Variants in GABRG3 observed in about 807,000 individuals in gnomAD.
The protein encoded by GABRG3 is gamma-aminobutyric acid type A receptor subunit gamma3, also known as gamma-aminobutyric acid receptor subunit gamma-3.
A neutral mutation model predicts 48.8 loss-of-function variants in GABRG3; 25 were observed. The ratio of observed to expected loss-of-function variants is 0.51; its 90% CI spans 0.37 to 0.72. The LOEUF (loss-of-function observed/expected upper bound fraction) is 0.72. Ranked by LOEUF, GABRG3 falls within the 30% of genes least tolerant of loss-of-function variation. The pLI is 0.00. For missense variants in GABRG3, 394 were observed against 577.9 expected, an observed-to-expected ratio of 0.68 and a Z score of 3.26; for synonymous variants, 227 against 217.6, an observed-to-expected ratio of 1.04 and a Z score of -0.38.
chr15:27,306,198 A>T (rs1409571039), intron 3 of GABRG3, among the ~76,000 whole-genome samples: 6 of 133,394 alleles, frequency 4.5e-5, no homozygotes, highest in African/African-American at 1.1e-4. Flanking sequence ...AAACATATTT[A>T]TAATATAAAC....
intron 5 of GABRG3, among the ~76,000 whole-genome samples, chr15:27,354,292 C>G (rs1331965822): frequency 6.6e-6 from 1 of 152,228 alleles, no homozygotes; most frequent in Non-Finnish European, 1.5e-5. Context: ...CAAGCCCCTG[C>G]GTACCTCCTT....
At chr15:27,380,343 A>G (rs1475096783) in intron 5 of GABRG3, among the ~76,000 whole-genome samples, 1 of 151,554 alleles carries the variant, frequency 6.6e-6, no homozygotes, top group Non-Finnish European at 1.5e-5. Context: ...TTTTAACTTT[A>G]TGGTCTGATA....
At chr15:27,485,869 G>C (rs1486519301) in intron 6 of GABRG3, among the ~76,000 whole-genome samples, 1 of 152,188 alleles carries the variant, frequency 6.6e-6, no homozygotes, top group Non-Finnish European at 1.5e-5. Context: ...AAAACAGGAA[G>C]AGAGAAAGAG....
intron 2 of GABRG3, among the ~76,000 whole-genome samples, chr15:26,988,353 CTTAA>C (rs1271673128): frequency 2.6e-5 from 4 of 152,042 alleles, no homozygotes; most frequent in East Asian, 1.9e-4. Context: ...TTTATGTTTT[CTTAA>C]TTAATTAACC....
intron 5 of GABRG3, among the ~76,000 whole-genome samples, chr15:27,426,051 A>G (rs1310070120): frequency 6.6e-6 from 1 of 152,174 alleles, no homozygotes; most frequent in East Asian, 1.9e-4. Flanking sequence ...CAATTTGAAT[A>G]CTGAATTCAA....
intron 5 of GABRG3, among the ~76,000 whole-genome samples, chr15:27,456,488 C>T (rs1051113062): frequency 6.6e-6 from 1 of 152,188 alleles, no homozygotes; most frequent in African/African-American, 2.4e-5. Context: ...CCGGGAAGGA[C>T]CCGCAGAGGG....
intron 3 of GABRG3, among the ~76,000 whole-genome samples, chr15:27,143,630 G>C (rs889075070): frequency 2.0e-5 from 3 of 152,236 alleles, no homozygotes; most frequent in African/African-American, 7.2e-5. Flanking sequence ...GCCGTGGAAA[G>C]CTGCGAGTGT....
chr15:27,426,236 ACT>A (rs1888287416), intron 5 of GABRG3, among the ~76,000 whole-genome samples: 1 of 151,628 alleles, frequency 6.6e-6, no homozygotes, highest in African/African-American at 2.4e-5. Flanking sequence ...AAGAGACAAA[ACT>A]CATCTCCTTT....
intron 5 of GABRG3, among the ~76,000 whole-genome samples, chr15:27,399,385 T>C (rs1455428099): frequency 6.6e-6 from 1 of 152,152 alleles, no homozygotes; most frequent in Non-Finnish European, 1.5e-5. Flanking sequence ...GACTCAAACC[T>C]GTGCTTAAGA....
chr15:27,359,056 G>C (rs9672349), intron 5 of GABRG3, among the ~76,000 whole-genome samples: 41,305 of 152,238 alleles, frequency 0.27, 5,992 homozygotes, highest in Middle Eastern at 0.36. Context: ...TCCTTTTATG[G>C]ACAAGTTTTG....
At chr15:27,072,103 C>A (rs1460958999) in intron 3 of GABRG3, among the ~76,000 whole-genome samples, 1 of 152,238 alleles carries the variant, frequency 6.6e-6, no homozygotes, top group African/African-American at 2.4e-5. Flanking sequence ...AAGTACCCCA[C>A]CTCCAATCAT....
chr15:27,515,436 A>G (rs1890996504), intron 6 of GABRG3, among the ~76,000 whole-genome samples: 1 of 152,172 alleles, frequency 6.6e-6, no homozygotes, highest in Non-Finnish European at 1.5e-5. Context: ...GAAGAAAAAG[A>G]CAAGTCACCT....
At chr15:27,249,842 A>C (rs1344447867) in intron 3 of GABRG3, among the ~76,000 whole-genome samples, 1 of 152,158 alleles carries the variant, frequency 6.6e-6, no homozygotes, top group Non-Finnish European at 1.5e-5. Context: ...TCCAGAAGGA[A>C]GTTTCTTCAT....
At chr15:27,234,677 A>G (rs1173561925) in intron 3 of GABRG3, among the ~76,000 whole-genome samples, 3 of 152,194 alleles carry the variant, frequency 2.0e-5, no homozygotes, top group Non-Finnish European at 2.9e-5. Flanking sequence ...GTTACTAAGT[A>G]GGTGTCTCTG....
Position 27,352,728 on chromosome 15 carries a change from A to G in GABRG3, c.574+23840A>G, listed in dbSNP as rs1372716025. 6.6e-6 allele frequency among the ~76,000 whole-genome samples: 1 copy of G among 152,060 alleles called. No individual in the cohort carries two copies. Among genetic ancestry groups the G allele is most frequent in the Non-Finnish European group, 1.5e-5 (1 of 68,010 alleles). On this transcript the variant is annotated intron_variant, in intron 5 of 9. Transcript: ENST00000615808. This position sits in a 1 kb window ranked among gnomAD's most constrained non-coding sequence, Gnocchi z 4.0. ...TCCCTAGGATTGTGCTTGAGAAAGG[A>G]GCTCAGTGTCTTCCCCATATGCCAC...
intron 3 of GABRG3, among the ~76,000 whole-genome samples, chr15:27,234,136 T>C (rs1017818029): frequency 6.6e-6 from 1 of 152,188 alleles, no homozygotes; most frequent in African/African-American, 2.4e-5. Flanking sequence ...CCAAAAATCA[T>C]TTAGAACCAA....
intron 5 of GABRG3, among the ~76,000 whole-genome samples, chr15:27,344,015 G>A (rs1275243514): frequency 3.3e-5 from 5 of 152,202 alleles, no homozygotes; most frequent in Non-Finnish European, 7.3e-5. Context: ...ATGCCAGCAA[G>A]GCAGAGACTA....
chr15:27,273,986 A>G (rs1891171702), intron 3 of GABRG3, among the ~76,000 whole-genome samples: 1 of 152,136 alleles, frequency 6.6e-6, no homozygotes, highest in African/African-American at 2.4e-5. Context: ...CTGAAGGAGG[A>G]TCTCCTCCCA....
chr15:27,094,869 A>G (rs145116125), intron 3 of GABRG3, among the ~76,000 whole-genome samples: 150 of 151,900 alleles, frequency 9.9e-4, no homozygotes, highest in African/African-American at 3.5e-3. Flanking sequence ...ATTTTAGTAT[A>G]TAGTTTTCCA....
Sources: gnomAD v4.1 joint callset for allele counts (sites outside exome capture counted in the v4.1 genomes callset) on GRCh38, gnomAD v4.1.1 for gene constraint, Gnocchi (gnomAD v3.1) non-coding constraint, MANE v1.5 for transcripts, NCBI Gene and HGNC (gene_info 2026-07-23, HGNC 2026-07-21) for gene names.